Variants in ATP8A2 observed in about 807,000 individuals in gnomAD.
The protein encoded by ATP8A2 is phospholipid-transporting ATPase IB.
Under a neutral mutation model 165.6 loss-of-function variants are expected in ATP8A2, and 100 were observed. That is an observed-to-expected ratio of 0.60 (90% CI 0.51 to 0.71). ATP8A2 has a LOEUF of 0.71. Among genes scored for constraint, ATP8A2 ranks in the 30% least tolerant of loss-of-function variants. The pLI is 0.00. For missense variants in ATP8A2, 1,227 were observed against 1,479.5 expected (o/e 0.83, Z 2.80); for synonymous variants, 543 against 548.8 (o/e 0.99, Z 0.15).
intron 18 of ATP8A2, 112 bp downstream of exon 18, chr13:25,571,804 A>T: frequency 2.1e-6 from 2 of 961,942 alleles, no homozygotes; most frequent in Non-Finnish European, 3.4e-6. Context: ...TCAGTGAAAA[A>T]TTAAGACCTG....
rs529406676 is a variant in ATP8A2, at chr13:25,656,538, G to C, written c.2212-42635G>C. The stretch of plus-strand genomic sequence containing the variant: ...TCTGCCCACCTCGGCCTCCGAAAGT[G>C]CTGGGATTACAGGCGTGAGCCACCA... On this transcript the variant is annotated intron_variant, in intron 24 of 36. Coordinates refer to ENST00000381655, the MANE Select transcript of ATP8A2 (RefSeq NM_016529.6). Among the ~76,000 whole-genome samples the C allele has an allele frequency of 5.3e-5, 8 of 152,106 alleles. No homozygotes were observed. The South Asian group carries it at 8.3e-4, about 16-fold the overall frequency.
intron 24 of ATP8A2, among the ~76,000 whole-genome samples, chr13:25,603,415 C>G (rs1162778160): frequency 1.3e-5 from 2 of 150,070 alleles, no homozygotes; most frequent in African/African-American, 4.9e-5. Flanking sequence ...GGCTTTAGCC[C>G]AGGTGGCAGA....
At chr13:25,395,324 A>G (rs1342083954) in intron 1 of ATP8A2, among the ~76,000 whole-genome samples, 1 of 151,846 alleles carries the variant, frequency 6.6e-6, no homozygotes, top group Non-Finnish European at 1.5e-5. Flanking sequence ...TGTCTTTTTT[A>G]AAAATGCCTT....
At chr13:25,729,224 A>G (rs1326213041) in intron 25 of ATP8A2, among the ~76,000 whole-genome samples, 1 of 152,062 alleles carries the variant, frequency 6.6e-6, no homozygotes, top group Middle Eastern at 3.2e-3. Context: ...TCATTTTAGG[A>G]CTACAGGCTA....
chr13:25,473,656 TCTAG>T (rs1010099611), intron 2 of ATP8A2, among the ~76,000 whole-genome samples: 2 of 152,152 alleles, frequency 1.3e-5, no homozygotes, highest in African/African-American at 4.8e-5. Flanking sequence ...AATATTATAC[TCTAG>T]CTATCATCTC....
chr13:25,473,169 T>C, intron 2 of ATP8A2, among the ~76,000 whole-genome samples: 1 of 152,168 alleles, frequency 6.6e-6, no homozygotes, highest in Non-Finnish European at 1.5e-5. Flanking sequence ...TTCCTTGAAT[T>C]TTTGGGAGGG....
chr13:25,711,007 A>AT (rs558616511), intron 25 of ATP8A2, among the ~76,000 whole-genome samples: 15 of 151,972 alleles, frequency 9.9e-5, no homozygotes, highest in South Asian at 4.2e-4. Context: ...TCCTCTAGGT[A>AT]TTTTTTTTGT....
chr13:25,633,820 G>A (rs1328849549), intron 24 of ATP8A2, among the ~76,000 whole-genome samples: 4 of 151,974 alleles, frequency 2.6e-5, no homozygotes, highest in Non-Finnish European at 5.9e-5. Context: ...TGCAAACATT[G>A]TAAAAATTAG....
chr13:25,637,118 A>C (rs2041389704), intron 24 of ATP8A2, among the ~76,000 whole-genome samples: 2 of 144,916 alleles, frequency 1.4e-5, no homozygotes, highest in African/African-American at 5.1e-5. Context: ...AAAAAAAAAA[A>C]AAAGATTAAA....
intron 33 of ATP8A2, among the ~76,000 whole-genome samples, chr13:25,959,952 G>A (rs1370693174): frequency 8.5e-5 from 13 of 152,204 alleles, no homozygotes; most frequent in Admixed American, 7.2e-4. Context: ...TCAAAAGCTG[G>A]TACTCTTGGT....
At chr13:25,986,714 G>T (rs1956286264) in intron 35 of ATP8A2, among the ~76,000 whole-genome samples, 1 of 152,300 alleles carries the variant, frequency 6.6e-6, no homozygotes, top group East Asian at 1.9e-4. Flanking sequence ...CCCTCTGGAT[G>T]TATATACCCG....
Position 26,004,012 on chromosome 13 carries a change from G to A in ATP8A2, c.3378-8519G>A, listed in dbSNP as rs1053599700. On this transcript the variant is annotated intron_variant, in intron 35 of 36. Transcript: ENST00000381655. ...TTTTGGCTATTGAGGGTCTTTTGTG[G>A]TTCCATATAATCTTAAGGATTATCT... Among the ~76,000 whole-genome samples, 135 of 152,208 alleles carry A rather than the reference G, an allele frequency of 8.9e-4. 2 individuals carry two copies. The highest frequency in any genetic ancestry group is 3.2e-3 in the African/African-American group (131 of 41,528).
At chr13:25,394,337 G>C (rs1429775036) in intron 1 of ATP8A2, among the ~76,000 whole-genome samples, 1 of 152,200 alleles carries the variant, frequency 6.6e-6, no homozygotes, top group Non-Finnish European at 1.5e-5. Flanking sequence ...CAAAGATGTT[G>C]CTCAGGATAA....
intron 1 of ATP8A2, among the ~76,000 whole-genome samples, chr13:25,442,035 A>G (rs1439516815): frequency 5.3e-5 from 8 of 152,244 alleles, no homozygotes; most frequent in Non-Finnish European, 8.8e-5. Context: ...GATGTCCTCC[A>G]GCTTCATCCA....
chr13:25,484,079 G>T (rs367808825), intron 2 of ATP8A2, among the ~76,000 whole-genome samples: 3 of 152,318 alleles, frequency 2.0e-5, no homozygotes, highest in African/African-American at 7.2e-5. Context: ...GAACAAGCAG[G>T]CTGGACTGCG....
chr13:25,647,725 G>T (rs1405826567), intron 24 of ATP8A2, among the ~76,000 whole-genome samples: 2 of 146,966 alleles, frequency 1.4e-5, no homozygotes, highest in Non-Finnish European at 3.0e-5. Context: ...CACTCTTGTT[G>T]CCCAGGCTGG....
chr13:25,740,308 CAAA>C (rs1229327243), intron 25 of ATP8A2, among the ~76,000 whole-genome samples: 43 of 67,500 alleles, frequency 6.4e-4, no homozygotes, highest in African/African-American at 2.0e-3. Flanking sequence ...GGCTCTATCT[CAAA>C]AAAAAAAAAA....
At chr13:25,811,810 A>G (rs1046650038) in intron 27 of ATP8A2, among the ~76,000 whole-genome samples, 1 of 152,206 alleles carries the variant, frequency 6.6e-6, no homozygotes, top group Non-Finnish European at 1.5e-5. Context: ...GCAGTAAGCA[A>G]TGATTGTGCC....
intron 33 of ATP8A2, among the ~76,000 whole-genome samples, chr13:25,941,727 G>A (rs556854795): frequency 1.4e-4 from 22 of 152,178 alleles, no homozygotes; most frequent in East Asian, 3.9e-4. Context: ...AGCATCTCAG[G>A]CCTCACACCA....
Sources: gnomAD v4.1 joint callset for allele counts (sites outside exome capture counted in the v4.1 genomes callset) on GRCh38, gnomAD v4.1.1 for gene constraint, MANE v1.5 for transcripts, NCBI Gene and HGNC (gene_info 2026-07-23, HGNC 2026-07-21) for gene names.